The following FARS2 variants were observed in gnomAD, a reference collection of about 807,000 sequenced individuals.
FARS2 encodes the protein phenylalanine--tRNA ligase, mitochondrial.
A neutral mutation model predicts 46.4 loss-of-function variants in FARS2; 40 were observed. The ratio of observed to expected loss-of-function variants is 0.86; its 90% confidence interval spans 0.67 to 1.12. The LOEUF (loss-of-function observed/expected upper bound fraction) is 1.12, where lower values mean the gene tolerates loss of function less well. FARS2 is among the 50% of genes most tolerant of loss of function. The pLI, the probability that FARS2 is intolerant of heterozygous loss-of-function variation, is 0.00. For synonymous variants in FARS2, 234 were observed against 214.9 expected, an observed-to-expected ratio of 1.09 and a Z score of -0.78; for missense variants, 513 against 567.9, an observed-to-expected ratio of 0.90 and a Z score of 0.98.
intron 3 of FARS2, among the ~76,000 whole-genome samples, chr6:5,422,957 C>T (rs1038464810): frequency 1.1e-4 from 16 of 152,150 alleles, no homozygotes; most frequent in African/African-American, 3.4e-4. Flanking sequence ...GTGAGATATT[C>T]TTATTTTTGA....
At chr6:5,592,509 A>C (rs527804242) in intron 5 of FARS2, among the ~76,000 whole-genome samples, 1 of 152,200 alleles carries the variant, frequency 6.6e-6, no homozygotes, top group Non-Finnish European at 1.5e-5. Flanking sequence ...AATATTTTAA[A>C]TCCCTTGAAA....
chr6:5,759,006 G>A (rs926195883), intron 6 of FARS2, among the ~76,000 whole-genome samples: 1 of 152,096 alleles, frequency 6.6e-6, no homozygotes, highest in East Asian at 1.9e-4. Context: ...AAGCCAGGAG[G>A]CCCTGAGATG....
intron 1 of FARS2, among the ~76,000 whole-genome samples, chr6:5,294,830 C>T (rs1767745510): frequency 6.6e-6 from 1 of 152,136 alleles, no homozygotes; most frequent in Admixed American, 6.5e-5. Flanking sequence ...GCTCCCTGAA[C>T]CCTTTCCCCT....
In FARS2 at chr6:5,748,763, A is replaced by G. The variant is rs113927711; in HGVS notation, c.1218-22528A>G. ...TGAATACTTTTCATTCACTCATTCA[A>G]CCAATACAAATTAAGTGCTGCCTGT... On this transcript the variant is annotated intron_variant, in intron 6 of 6. Coordinates refer to ENST00000274680, the MANE Select transcript of FARS2 (RefSeq NM_006567.5). 1.4e-3 allele frequency among the ~76,000 whole-genome samples: 214 copies of G among 152,360 alleles called. 2 individuals carry two copies. Among genetic ancestry groups the G allele is most frequent in the African/African-American group, 4.9e-3 (203 of 41,588 alleles).
chr6:5,485,585 A>G (rs1282018994), intron 4 of FARS2, among the ~76,000 whole-genome samples: 5 of 152,220 alleles, frequency 3.3e-5, no homozygotes, highest in African/African-American at 7.2e-5. Flanking sequence ...CTTTCTCTGT[A>G]AAGAGCCTGA....
At chr6:5,710,178 T>G (rs1417487922) in intron 6 of FARS2, among the ~76,000 whole-genome samples, 3 of 152,314 alleles carry the variant, frequency 2.0e-5, no homozygotes, top group Non-Finnish European at 4.4e-5. Flanking sequence ...ATTCCCATTT[T>G]GCACCACCAG....
In FARS2 at chr6:5,609,532, C is replaced by T; in HGVS notation, c.1066-3637C>T. The T allele has an allele frequency of 3.2e-6, 4 of 1,267,572 alleles. No individual in the cohort carries two copies. In the East Asian group the frequency reaches 9.2e-5, roughly 29 times the overall value. 78.5% of individuals were successfully genotyped at this position (1,267,572 alleles called of 1,614,324 possible). A position where few individuals can be genotyped will look rare whatever the true frequency, so the allele number is the denominator to read the frequency against. On this transcript the variant is annotated intron_variant, in intron 5 of 6. Coordinates refer to ENST00000274680, the MANE Select transcript of FARS2 (RefSeq NM_006567.5). Reference sequence around the variant, plus strand: ...AAGCCACCATGACCACTGAAGTTTCCTCCATGACCAAAGTTGTCATTCCCA... The same window carrying T: ...AAGCCACCATGACCACTGAAGTTTCTTCCATGACCAAAGTTGTCATTCCCA...
chr6:5,260,594 C>T, upstream of FARS2: 1 of 1,210,554 alleles, frequency 8.3e-7, no homozygotes, highest in Non-Finnish European at 1.2e-6. Context: ...GCCCGCACCC[C>T]CGGTCCCCGG....
chr6:5,589,808 GATAAGT>G (rs1331896550), intron 5 of FARS2, among the ~76,000 whole-genome samples: 6 of 152,120 alleles, frequency 3.9e-5, no homozygotes, highest in African/African-American at 1.4e-4. Flanking sequence ...CTATTTTATG[GATAAGT>G]ATGTGTCAAC....
chr6:5,578,164 A>G (rs1361014582), intron 5 of FARS2, among the ~76,000 whole-genome samples: 1 of 152,150 alleles, frequency 6.6e-6, no homozygotes, highest in African/African-American at 2.4e-5. Context: ...TTTCATTTTG[A>G]TAAGAATGAA....
chr6:5,763,187 C>G (rs997519892), intron 6 of FARS2, among the ~76,000 whole-genome samples: 4 of 152,280 alleles, frequency 2.6e-5, no homozygotes, highest in African/African-American at 7.2e-5. Flanking sequence ...CCCATCCTAG[C>G]CTTGCCCTTT....
At chr6:5,592,078 T>G (rs907493555) in intron 5 of FARS2, among the ~76,000 whole-genome samples, 3 of 152,216 alleles carry the variant, frequency 2.0e-5, no homozygotes, top group Non-Finnish European at 4.4e-5. Flanking sequence ...ATGGCTGCTC[T>G]AGCCTTTTAA....
At chr6:5,470,779 T>C (rs896346506) in intron 4 of FARS2, among the ~76,000 whole-genome samples, 5 of 152,114 alleles carry the variant, frequency 3.3e-5, no homozygotes, top group African/African-American at 1.2e-4. Flanking sequence ...TTCTAGAAAA[T>C]AGACAAATCA....
chr6:5,355,368 C>CTTTTTTTTTTTTTT, intron 1 of FARS2, among the ~76,000 whole-genome samples: 1 of 142,444 alleles, frequency 7.0e-6, no homozygotes, highest in South Asian at 2.3e-4. Flanking sequence ...TTAGGTTTTC[C>CTTTTTTTTTTTTTT]TTTTTGTTTT....
At chr6:5,596,088 T>G (rs1356248665) in intron 5 of FARS2, among the ~76,000 whole-genome samples, 1 of 152,218 alleles carries the variant, frequency 6.6e-6, no homozygotes, top group Non-Finnish European at 1.5e-5. Context: ...ATATTAGTCT[T>G]ATTCTGTAGG....
At chr6:5,542,237 A>G (rs1227061234) in intron 4 of FARS2, among the ~76,000 whole-genome samples, 1 of 152,022 alleles carries the variant, frequency 6.6e-6, no homozygotes, top group Non-Finnish European at 1.5e-5. Flanking sequence ...TCTCATCCTT[A>G]TTTTACCCAG....
upstream of FARS2, chr6:5,261,149 G>C (rs1270654248): frequency 5.9e-6 from 1 of 168,856 alleles, no homozygotes. Context: ...ACGTGCAGTT[G>C]CATCACGGAG....
chr6:5,307,778 G>A (rs1331830153), intron 1 of FARS2, among the ~76,000 whole-genome samples: 6 of 152,014 alleles, frequency 3.9e-5, no homozygotes, highest in Non-Finnish European at 5.9e-5. Context: ...TGGTTAGAAA[G>A]GAGTGGCACC....
intron 4 of FARS2, among the ~76,000 whole-genome samples, chr6:5,496,940 T>C (rs1767505916): frequency 6.6e-6 from 1 of 152,090 alleles, no homozygotes; most frequent in Admixed American, 6.6e-5. Context: ...CACCTCAGCC[T>C]CCTGAGTAGC....
Sources: allele counts gnomAD v4.1 joint callset (sites outside exome capture counted in the v4.1 genomes callset), GRCh38; gene constraint gnomAD v4.1.1; transcripts MANE v1.5; gene names NCBI Gene and HGNC (gene_info 2026-07-23, HGNC 2026-07-21).